The following CRYM variants were observed in gnomAD, a reference collection of about 807,000 sequenced individuals.
CRYM encodes crystallin mu.
Under a neutral mutation model 32.9 loss-of-function variants are expected in CRYM, and 18 were observed. That is an observed-to-expected ratio of 0.55 (90% CI 0.38 to 0.81). The LOEUF is 0.81. Ranked by LOEUF, CRYM falls within the 30% of genes least tolerant of loss-of-function variation. The probability of loss-of-function intolerance (pLI) is 0.00; values close to 1 mark genes in which losing one functional copy is unlikely to be tolerated. For synonymous variants in CRYM, 153 were observed against 152.4 expected (o/e 1.00, Z -0.03); for missense variants, 337 against 393.5 (o/e 0.86, Z 1.21).
intron 4 of CRYM, 150 bp from the exon 5 acceptor site, chr16:21,267,887 T>C (rs569798899): frequency 2.9e-5 from 23 of 781,704 alleles, no homozygotes; most frequent in South Asian, 2.7e-4. Context: ...CCATGGAGAA[T>C]GGACATTTGA....
chr16:21,302,409 G>A (rs911568305), intron 1 of CRYM, among the ~76,000 whole-genome samples: 1 of 152,196 alleles, frequency 6.6e-6, no homozygotes, highest in Admixed American at 6.5e-5. Context: ...GTGATTATAG[G>A]TAGTTTAATT....
intron 1 of CRYM, among the ~76,000 whole-genome samples, chr16:21,292,228 C>A (rs1043356246): frequency 6.6e-6 from 1 of 152,066 alleles, no homozygotes; most frequent in African/African-American, 2.4e-5. Flanking sequence ...AGAGACTTTT[C>A]AGCAAAGGAG....
intron 1 of CRYM, among the ~76,000 whole-genome samples, chr16:21,297,256 T>C (rs1350536987): frequency 6.6e-6 from 1 of 152,140 alleles, no homozygotes; most frequent in East Asian, 1.9e-4. Context: ...TAGCCGGGCA[T>C]GGTGGCACAT....
Position 21,269,770 on chromosome 16 carries a change from A to ACCCCCCCCCCC in CRYM, c.489+19_489+20insGGGGGGGGGGG. The ACCCCCCCCCCC allele has an allele frequency of 4.7e-6, 2 of 421,324 alleles. No individual in the cohort carries two copies. The highest frequency in any genetic ancestry group is 4.4e-6 in the Non-Finnish European group (1 of 228,460). The allele number at this position is 421,324 out of a possible 1,614,324, so 26.1% of individuals were successfully genotyped here. Reference sequence around the variant, plus strand: ...ACCACCCCCTTCCCTCTTCTCTCCCACCCCCACCCCTGGACTTACCTCCTT... The same window carrying ACCCCCCCCCCC: ...ACCACCCCCTTCCCTCTTCTCTCCCACCCCCCCCCCCCCCCCACCCCTGGACTTACCTCCTT... On this transcript the variant is annotated intron_variant, in intron 4 of 7. Transcript: ENST00000572914.
intron 5 of CRYM, 116 bp from the exon 6 acceptor site, chr16:21,262,274 AC>A (rs962701770): frequency 7.8e-7 from 1 of 1,283,532 alleles, no homozygotes; most frequent in Non-Finnish European, 1.1e-6. Context: ...GATTCAAAAT[AC>A]CCCCTCATTC....
intron 1 of CRYM, among the ~76,000 whole-genome samples, chr16:21,296,310 T>C (rs1377025582): frequency 6.6e-6 from 1 of 151,976 alleles, no homozygotes; most frequent in Non-Finnish European, 1.5e-5. Flanking sequence ...GTAAGGGAAA[T>C]GGAGATTGGA....
At chr16:21,266,856 A>G (rs981876213) in intron 5 of CRYM, among the ~76,000 whole-genome samples, 10 of 151,778 alleles carry the variant, frequency 6.6e-5, no homozygotes, top group African/African-American at 2.4e-4. Flanking sequence ...AATTACAAAA[A>G]ATTAGCTGGG....
intron 1 of CRYM, among the ~76,000 whole-genome samples, chr16:21,295,450 T>C (rs1960769565): frequency 6.6e-6 from 1 of 152,244 alleles, no homozygotes; most frequent in African/African-American, 2.4e-5. Flanking sequence ...TTTATGTGTT[T>C]GTTGGCTTCA....
intron 1 of CRYM, among the ~76,000 whole-genome samples, chr16:21,290,684 CAT>C (rs1960624017): frequency 6.6e-6 from 1 of 152,150 alleles, no homozygotes; most frequent in Non-Finnish European, 1.5e-5. Flanking sequence ...ACCTCTTAAA[CAT>C]GTTTCTTATT....
At chr16:21,288,316 T>C (rs1212860377) in intron 1 of CRYM, among the ~76,000 whole-genome samples, 1 of 152,226 alleles carries the variant, frequency 6.6e-6, no homozygotes, top group Non-Finnish European at 1.5e-5. Context: ...TTTTACTTGT[T>C]CTTGAGTTAG....
chr16:21,262,250 C>T (rs1199976313), intron 5 of CRYM, 92 bp from the exon 6 acceptor site: 6 of 1,513,410 alleles, frequency 4.0e-6, no homozygotes, highest in African/African-American at 2.7e-5. Context: ...ACAAAGGACT[C>T]GTGAACACAC....
At chr16:21,276,115 C>A (rs1279977632) in intron 2 of CRYM, among the ~76,000 whole-genome samples, 1 of 152,198 alleles carries the variant, frequency 6.6e-6, no homozygotes, top group Non-Finnish European at 1.5e-5. Context: ...CCCAGACAGC[C>A]CAGGTGATTC....
chr16:21,269,935 G>A (rs2093371817), intron 3 of CRYM, 44 bp from the exon 4 acceptor site: 1 of 1,394,454 alleles, frequency 7.2e-7, no homozygotes, highest in South Asian at 1.2e-5. Context: ...GGAGACCCTA[G>A]CAGACGGGTA....
At chr16:21,273,679 T>G (rs553933929) in intron 3 of CRYM, among the ~76,000 whole-genome samples, 1 of 152,344 alleles carries the variant, frequency 6.6e-6, no homozygotes, top group East Asian at 1.9e-4. Flanking sequence ...GGAACCTGGT[T>G]GTATGACTTC....
chr16:21,269,695 T>C, intron 4 of CRYM, 95 bp downstream of exon 4: 1 of 861,920 alleles, frequency 1.2e-6, no homozygotes, highest in Non-Finnish European at 1.9e-6. Flanking sequence ...CACAACTTAA[T>C]TATTTCAGAA....
chr16:21,293,370 G>T (rs1330853035), intron 1 of CRYM, among the ~76,000 whole-genome samples: 3 of 152,144 alleles, frequency 2.0e-5, no homozygotes, highest in African/African-American at 7.2e-5. Flanking sequence ...GTGAACAAGG[G>T]AATCTCTCAT....
upstream of CRYM, among the ~76,000 whole-genome samples, chr16:21,282,367 C>T (rs577925697): frequency 5.3e-5 from 8 of 152,198 alleles, no homozygotes; most frequent in Middle Eastern, 6.8e-3. Context: ...GCATAGGATC[C>T]CACCTTGCAG....
chr16:21,267,517 C>T (rs1483951889), intron 5 of CRYM, 37 bp downstream of exon 5: 1 of 1,608,184 alleles, frequency 6.2e-7, no homozygotes, highest in South Asian at 1.1e-5. Context: ...GGAGCCTGGC[C>T]ACCACCCATC....
intron 7 of CRYM, among the ~76,000 whole-genome samples, chr16:21,259,550 G>A (rs1279422406): frequency 6.6e-6 from 1 of 152,178 alleles, no homozygotes; most frequent in African/African-American, 2.4e-5. Context: ...TGTGGGCTGT[G>A]TTCCAGTGAA....
Sources: gnomAD v4.1 joint callset for allele counts (sites outside exome capture counted in the v4.1 genomes callset) on GRCh38, gnomAD v4.1.1 for gene constraint, MANE v1.5 for transcripts, NCBI Gene and HGNC (gene_info 2026-07-23, HGNC 2026-07-21) for gene names.